The following OR51E1 variants were observed in gnomAD, a reference collection of about 807,000 sequenced individuals.
OR51E1 encodes the protein olfactory receptor 51E1.
In OR51E1, 9 loss-of-function variants were observed where a neutral mutation model predicts 11.5. That is an observed-to-expected ratio of 0.78 (90% CI 0.47 to 1.37). The LOEUF (loss-of-function observed/expected upper bound fraction) is 1.37, where lower values mean the gene tolerates loss of function less well. Ranked by LOEUF, OR51E1 falls within the 40% of genes most tolerant of loss-of-function variation. The pLI, the probability that OR51E1 is intolerant of heterozygous loss-of-function variation, is 0.00. For missense variants in OR51E1, 397 were observed against 410.2 expected, an observed-to-expected ratio of 0.97 and a Z score of 0.28; for synonymous variants, 168 against 158.3, an observed-to-expected ratio of 1.06 and a Z score of -0.46.
rs745672363 is a variant in OR51E1, at chr11:4,652,484, C to T, written c.-39-4C>T. The stretch of plus-strand genomic sequence containing the variant: ...TCTGACAGTGGCTTATCTTTGCATT[C>T]CAGCCTCTACCTGCCTGGTGCTGGT... On this transcript the variant is annotated splice_polypyrimidine_tract_variant and splice_region_variant and intron_variant, in intron 1 of 1. Coordinates refer to ENST00000396952, the MANE Select transcript of OR51E1 (RefSeq NM_152430.4). 1.4e-6 allele frequency: 2 copies of T among 1,381,032 alleles called. No individual in the cohort carries two copies. Among genetic ancestry groups the T allele is most frequent in the Non-Finnish European group, 2.0e-6 (2 of 982,554 alleles). The allele number at this position is 1,381,032 out of a possible 1,614,324, so 85.5% of individuals were successfully genotyped here. A position where few individuals can be genotyped will look rare whatever the true frequency, so the allele number is the denominator to read the frequency against.
intron 1 of OR51E1, among the ~76,000 whole-genome samples, chr11:4,649,570 CTTTA>C (rs1847069421): frequency 6.6e-6 from 1 of 152,062 alleles, no homozygotes; most frequent in Non-Finnish European, 1.5e-5. Flanking sequence ...GAAGTTTAGT[CTTTA>C]TTCTAGAATC....
rs1225522774 is a variant in OR51E1, at chr11:4,649,503, G to A, written c.-39-2985G>A. Among the ~76,000 whole-genome samples the A allele has an allele frequency of 2.0e-5, 3 of 152,324 alleles. No individual in the cohort carries two copies. In the East Asian group the frequency reaches 5.8e-4, roughly 29 times the overall value. ...GATCATAGGGATCATGGTGAGGAGT[G>A]GTGAGGGAGGAACCCAGGCCCGGAT... On this transcript the variant is annotated intron_variant, in intron 1 of 1. Coordinates refer to ENST00000396952, the MANE Select transcript of OR51E1 (RefSeq NM_152430.4).
Position 4,652,759 on chromosome 11 carries a change from C to A in OR51E1, c.233C>A (p.Thr78Asn). The A allele has an allele frequency of 2.5e-6, 4 of 1,614,190 alleles. No individual in the cohort carries two copies. The highest frequency in any genetic ancestry group is 2.2e-5 in the South Asian group (2 of 91,078). Residue 78 changes from threonine to asparagine, a missense_variant, in exon 2 of 2, where the codon ACC (threonine) becomes AAC (asparagine). Coordinates refer to ENST00000396952, the MANE Select transcript of OR51E1 (RefSeq NM_152430.4). Reference sequence around the variant, plus strand: ...TCAGGCATTGACATCCTCATCTCCACCTCATCCATGCCCAAAATGCTGGCC... The same window carrying A: ...TCAGGCATTGACATCCTCATCTCCAACTCATCCATGCCCAAAATGCTGGCC... The part of the protein sequence containing the change: ...MLSGIDILIS[T>N]SSMPKMLAIF...
At chr11:4,644,991 G>A (rs1418016605) in intron 1 of OR51E1, among the ~76,000 whole-genome samples, 1 of 152,048 alleles carries the variant, frequency 6.6e-6, no homozygotes, top group Non-Finnish European at 1.5e-5. Context: ...CCCACAGTTG[G>A]AATGCACTTT....
chr11:4,645,314 GT>G (rs1847015513), intron 1 of OR51E1, among the ~76,000 whole-genome samples: 1 of 152,052 alleles, frequency 6.6e-6, no homozygotes, highest in African/African-American at 2.4e-5. Context: ...AACTGCCTGT[GT>G]CACTGCCCCA....
At chr11:4,651,517 G>A (rs898161673) in intron 1 of OR51E1, among the ~76,000 whole-genome samples, 14 of 152,236 alleles carry the variant, frequency 9.2e-5, no homozygotes, top group African/African-American at 3.4e-4. Flanking sequence ...TACCCCTTAT[G>A]TCAGGCAGCC....
intron 1 of OR51E1, among the ~76,000 whole-genome samples, chr11:4,650,653 G>T (rs1489784718): frequency 1.3e-5 from 2 of 152,090 alleles, no homozygotes; most frequent in Non-Finnish European, 2.9e-5. Context: ...TCTGATGCTG[G>T]CCATGAATTC....
chr11:4,652,197 G>A (rs913005478), intron 1 of OR51E1, among the ~76,000 whole-genome samples: 1 of 152,170 alleles, frequency 6.6e-6, no homozygotes, highest in African/African-American at 2.4e-5. Context: ...TCAGCCAGTA[G>A]CCTTTCTTTG....
chr11:4,646,855 T>C (rs1311184689), intron 1 of OR51E1, among the ~76,000 whole-genome samples: 1 of 152,222 alleles, frequency 6.6e-6, no homozygotes, highest in Non-Finnish European at 1.5e-5. Context: ...TGAGGGAAAG[T>C]GTATAGGCCT....
At chr11:4,645,133 C>T (rs1847013365) in intron 1 of OR51E1, among the ~76,000 whole-genome samples, 1 of 152,138 alleles carries the variant, frequency 6.6e-6, no homozygotes, top group African/African-American at 2.4e-5. Flanking sequence ...TTCTTTCGTG[C>T]CCTTATCTTC....
At chr11:4,647,539 G>A (rs762041435) in intron 1 of OR51E1, among the ~76,000 whole-genome samples, 6 of 151,926 alleles carry the variant, frequency 3.9e-5, no homozygotes, top group Non-Finnish European at 8.8e-5. Flanking sequence ...GCTTTTTCAC[G>A]GGTCTATGAG....
rs866323188 is a variant in OR51E1, at chr11:4,653,686, C to T, written c.*203C>T. 4 of 522,000 alleles carry T rather than the reference C, an allele frequency of 7.7e-6. No homozygotes were observed. Among genetic ancestry groups the T allele is most frequent in the East Asian group, 6.4e-5 (2 of 31,030 alleles). The allele number at this position is 522,000 out of a possible 1,614,324, so 32.3% of individuals were successfully genotyped here. ...TTCTTGCTACATATAATTATTAATA[C>T]CCTGACTAGGTTGTGGTTGGAGGGT... On this transcript the variant is annotated 3_prime_UTR_variant, in exon 2 of 2. Coordinates refer to ENST00000396952, the MANE Select transcript of OR51E1 (RefSeq NM_152430.4).
intron 1 of OR51E1, among the ~76,000 whole-genome samples, chr11:4,651,334 T>G (rs1203689118): frequency 6.6e-6 from 1 of 151,544 alleles, no homozygotes; most frequent in Non-Finnish European, 1.5e-5. Context: ...ATTGAGGGAG[T>G]ACATGGCCAT....
At chr11:4,644,865 G>A (rs948292216) in intron 1 of OR51E1, among the ~76,000 whole-genome samples, 26 of 152,162 alleles carry the variant, frequency 1.7e-4, no homozygotes, top group African/African-American at 6.3e-4. Flanking sequence ...CCTTCCTCCC[G>A]CCTCATCTTC....
At chr11:4,647,053 G>T (rs758053855) in intron 1 of OR51E1, among the ~76,000 whole-genome samples, 12 of 152,102 alleles carry the variant, frequency 7.9e-5, no homozygotes, top group Non-Finnish European at 1.8e-4. Context: ...TGGCCCCTTT[G>T]CCTGAAGTTC....
At position 4,652,634 on chromosome 11, in the gene OR51E1, C is replaced by T. The variant is rs751680384; in HGVS notation, c.108C>T (p.Ser36=). The T allele has an allele frequency of 1.2e-6, 2 of 1,613,950 alleles. No homozygotes were observed. The highest frequency in any genetic ancestry group is 2.7e-5 in the African/African-American group (2 of 74,894). Residue 36 remains serine (S), a synonymous_variant, in exon 2 of 2, where the codon TCC becomes TCT. Transcript: ENST00000396952. ...AQFWLAFPLC[S]LYLIAVLGNL... ...TCTGGTTGGCCTTCCCATTGTGCTCCCTCTACCTTATTGCTGTGCTAGGTA... is the reference window on the plus strand; with the variant it reads ...TCTGGTTGGCCTTCCCATTGTGCTCTCTCTACCTTATTGCTGTGCTAGGTA...
At chr11:4,651,340 G>A (rs1351112997) in intron 1 of OR51E1, among the ~76,000 whole-genome samples, 1 of 152,212 alleles carries the variant, frequency 6.6e-6, no homozygotes, top group African/African-American at 2.4e-5. Flanking sequence ...GGAGTACATG[G>A]CCATGAGAAG....
At position 4,653,023 on chromosome 11, in the gene OR51E1, T is replaced by C. The variant is rs2133227821; in HGVS notation, c.497T>C (p.Ile166Thr). ...CTGATGGCACCCCTTCCTGTCTTCA[T>C]CAAGCAGCTGCCCTTCTGCCGCTCC... ...AALMAPLPVF[I>T]KQLPFCRSNI... Residue 166 changes from isoleucine (I) to threonine (T), a missense_variant, in exon 2 of 2, where the codon ATC (isoleucine) becomes ACC (threonine). Ile to Thr is a moderately conservative substitution (Grantham distance 89, BLOSUM62 -1). Transcript: ENST00000396952. 1.2e-6 allele frequency: 2 copies of C among 1,608,800 alleles called. No individual in the cohort carries two copies. Among genetic ancestry groups the C allele is most frequent in the African/African-American group, 2.7e-5 (2 of 75,012 alleles).
chr11:4,644,188 T>G (rs1054925116), intron 1 of OR51E1, among the ~76,000 whole-genome samples, 158 bp downstream of exon 1: 1 of 141,756 alleles, frequency 7.1e-6, no homozygotes, highest in Admixed American at 7.3e-5. Flanking sequence ...GCAGCCTTAG[T>G]GATCTCTAGG....
Sources: allele counts gnomAD v4.1 joint callset (sites outside exome capture counted in the v4.1 genomes callset), GRCh38; gene constraint gnomAD v4.1.1; transcripts MANE v1.5; gene names NCBI Gene and HGNC (gene_info 2026-07-23, HGNC 2026-07-21).